The following TMEM254 variants were observed in gnomAD, a reference collection of about 807,000 sequenced individuals.
The protein encoded by TMEM254 is transmembrane protein C10orf57.
In TMEM254, 16 loss-of-function variants were observed where a neutral mutation model predicts 13.9. The observed-to-expected ratio is 1.15, with a 90% CI of 0.78 to 1.75. The LOEUF is 1.75. Among genes scored for constraint, TMEM254 ranks in the 40% most tolerant of loss-of-function variants. The pLI is 0.00. For synonymous variants in TMEM254, 61 were observed against 56.4 expected (o/e 1.08, Z -0.36); for missense variants, 155 against 149.0 (o/e 1.04, Z -0.21).
At position 80,089,786 on chromosome 10, in the gene TMEM254, G is replaced by A. The variant is rs188322868; in HGVS notation, c.252-1011G>A. Among the ~76,000 whole-genome samples the A allele has an allele frequency of 2.2e-3, 335 of 152,060 alleles. 2 individuals are homozygous for A. The highest frequency in any genetic ancestry group is 7.5e-3 in the African/African-American group (312 of 41,476). On this transcript the variant is annotated intron_variant, in intron 3 of 3. Transcript: ENST00000372281. ...TGGGAGGCCGAGGTGGGTGGATCACGAGGTCAAGAGATCGAGACCATCCTG... is the reference window on the plus strand; with the variant it reads ...TGGGAGGCCGAGGTGGGTGGATCACAAGGTCAAGAGATCGAGACCATCCTG...
chr10:80,090,112 T>G (rs1310808267), intron 3 of TMEM254, among the ~76,000 whole-genome samples: 1 of 152,224 alleles, frequency 6.6e-6, no homozygotes, highest in Admixed American at 6.5e-5. Context: ...ATATTGCTTT[T>G]ACATATATTG....
Position 80,090,952 on chromosome 10 carries a change from C to T in TMEM254, c.*35C>T. The T allele has an allele frequency of 1.2e-6, 2 of 1,607,052 alleles. No homozygotes were observed. The highest frequency in any genetic ancestry group is 1.1e-5 in the South Asian group (1 of 89,526). ...AAAGCTTGCTCTACACTTTTACATTCATCCTCACCCTTTTTTTTGTGGGGT... is the reference window on the plus strand; with the variant it reads ...AAAGCTTGCTCTACACTTTTACATTTATCCTCACCCTTTTTTTTGTGGGGT... On this transcript the variant is annotated 3_prime_UTR_variant, in exon 4 of 4. Transcript: ENST00000372281.
At chr10:80,080,543 G>A (rs1413742068) in intron 1 of TMEM254, among the ~76,000 whole-genome samples, 1 of 152,148 alleles carries the variant, frequency 6.6e-6, no homozygotes, top group Admixed American at 6.6e-5. Flanking sequence ...ATTAAACAGA[G>A]GTTTGGCTGG....
intron 1 of TMEM254, among the ~76,000 whole-genome samples, chr10:80,081,482 C>T (rs559952514): frequency 2.0e-5 from 3 of 152,076 alleles, no homozygotes; most frequent in African/African-American, 7.2e-5. Flanking sequence ...TCCTGGGCAA[C>T]ATAGTGAGAC....
At chr10:80,079,198 T>TGGGGGGG in intron 1 of TMEM254, 1 of 322,148 alleles carries the variant, frequency 3.1e-6, no homozygotes, top group South Asian at 2.7e-5. Context: ...AGGCGTGGGG[T>TGGGGGGG]GGGGCGGGGC....
rs1183442112 is a variant in TMEM254, at chr10:80,081,844, G to C, written c.91G>C (p.Val31Leu). Reference sequence around the variant, plus strand: ...TGTGTCTCTGCTTCTCTTTCAGTGGGTTGTCTTCTGGCCTCAGAGTATCCC... The same window carrying C: ...TGTGTCTCTGCTTCTCTTTCAGTGGCTTGTCTTCTGGCCTCAGAGTATCCC... ...ITLSFGYYTW[V>L]VFWPQSIPYQ... is the part of the protein sequence containing the mutation. Residue 31 changes from valine to leucine, a missense_variant, in exon 2 of 4, where the codon GTT (valine) becomes CTT (leucine). Coordinates refer to ENST00000372281, the MANE Select transcript of TMEM254 (RefSeq NM_025125.4). 5 of 1,614,188 alleles carry C rather than the reference G, an allele frequency of 3.1e-6. No homozygotes were observed. Among genetic ancestry groups the C allele is most frequent in the Admixed American group, 1.7e-5 (1 of 60,016 alleles).
At chr10:80,079,350 C>T in intron 1 of TMEM254, 1 of 1,182,154 alleles carries the variant, frequency 8.5e-7, no homozygotes. Flanking sequence ...TTTCTGCTTT[C>T]TAGTGTTCCT....
intron 3 of TMEM254, among the ~76,000 whole-genome samples, chr10:80,089,730 G>A (rs561844361): frequency 2.2e-4 from 34 of 152,084 alleles, no homozygotes; most frequent in African/African-American, 3.6e-4. Flanking sequence ...GCAGCCGGGC[G>A]TGGTGGCTCA....
intron 1 of TMEM254, chr10:80,079,187 GA>G: frequency 7.7e-7 from 1 of 1,290,824 alleles, no homozygotes; most frequent in South Asian, 1.2e-5. Flanking sequence ...ACTTCGCGGT[GA>G]GGCGTGGGGT....
chr10:80,081,852 C>T lies in TMEM254; in HGVS notation c.99C>T (p.Phe33=). The T allele has an allele frequency of 6.2e-7, 1 of 1,614,230 alleles. No homozygotes were observed. Among genetic ancestry groups the T allele is most frequent in the Non-Finnish European group, 8.5e-7 (1 of 1,180,044 alleles). Residue 33 remains phenylalanine (F), a synonymous_variant, in exon 2 of 4, where the codon TTC becomes TTT. Coordinates refer to ENST00000372281, the MANE Select transcript of TMEM254 (RefSeq NM_025125.4). ...LSFGYYTWVV[F]WPQSIPYQNL... ...TGCTTCTCTTTCAGTGGGTTGTCTT[C>T]TGGCCTCAGAGTATCCCTTATCAGA...
intron 1 of TMEM254, chr10:80,079,557 A>G: frequency 9.9e-7 from 1 of 1,007,586 alleles, no homozygotes; most frequent in Non-Finnish European, 1.2e-6. Flanking sequence ...TTTAAGTGGT[A>G]AGGGAGGATA....
At chr10:80,081,490 G>T in intron 1 of TMEM254, 1 of 601,258 alleles carries the variant, frequency 1.7e-6, no homozygotes, top group Non-Finnish European at 2.9e-6. Context: ...AACATAGTGA[G>T]ACCCCATCTC....
At chr10:80,086,912 A>G (rs11201625) in intron 3 of TMEM254, among the ~76,000 whole-genome samples, 57,032 of 151,184 alleles carry the variant, frequency 0.38, 11,559 homozygotes, top group East Asian at 0.71. Context: ...ATATATATAC[A>G]TATAGATATA....
intron 1 of TMEM254, chr10:80,079,012 C>G: frequency 1.3e-6 from 2 of 1,532,580 alleles, no homozygotes; most frequent in Non-Finnish European, 8.8e-7. Flanking sequence ...ACCGGCTAGC[C>G]AGGCTTTTCT....
intron 1 of TMEM254, chr10:80,079,358 C>A (rs1021252648): frequency 1.1e-5 from 13 of 1,178,394 alleles, no homozygotes; most frequent in Non-Finnish European, 1.3e-5. Flanking sequence ...TTCTAGTGTT[C>A]CTGTCTTTGG....
At position 80,088,139 on chromosome 10, in the gene TMEM254, A is replaced by G. The variant is rs537453668; in HGVS notation, c.252-2658A>G. On this transcript the variant is annotated intron_variant, in intron 3 of 3. Transcript: ENST00000372281. ...CATTCAGTCTTCACTGATGTGCCCT[A>G]TCTTATATCATACATACTGATATGT... 5.9e-5 allele frequency among the ~76,000 whole-genome samples: 9 copies of G among 152,162 alleles called. No homozygotes were observed. In the South Asian group the frequency reaches 8.3e-4, roughly 14 times the overall value.
rs1844584277 is a variant in TMEM254 at position 80,091,831 on chromosome 10, C to T, written c.*914C>T. ...AAAATGGCACAACCCATTTGGGGTA[C>T]CCTCACCCCAAAATAAAAGCCCAAG... On this transcript the variant is annotated 3_prime_UTR_variant, in exon 4 of 4. Coordinates refer to ENST00000372281, the MANE Select transcript of TMEM254 (RefSeq NM_025125.4). 1 of 152,210 alleles carries T rather than the reference C, an allele frequency of 6.6e-6. No individual in the cohort carries two copies. The highest frequency in any genetic ancestry group is 1.5e-5 in the Non-Finnish European group (1 of 68,036). The allele number at this position is 152,210 out of a possible 1,614,324, so 9.4% of individuals were successfully genotyped here. A position where few individuals can be genotyped will look rare whatever the true frequency, so the allele number is the denominator to read the frequency against.
At chr10:80,079,313 C>G in intron 1 of TMEM254, 1 of 1,199,490 alleles carries the variant, frequency 8.3e-7, no homozygotes, top group Non-Finnish European at 1.1e-6. Flanking sequence ...CTCATGTAAG[C>G]GGAAATTCGG....
intron 3 of TMEM254, chr10:80,086,240 G>T: frequency 6.8e-7 from 1 of 1,473,404 alleles, no homozygotes; most frequent in Non-Finnish European, 9.0e-7. Flanking sequence ...GGCAAAATGA[G>T]CTAAGAATAC....
Sources: gnomAD v4.1 joint callset for allele counts (sites outside exome capture counted in the v4.1 genomes callset) on GRCh38, gnomAD v4.1.1 for gene constraint, MANE v1.5 for transcripts, NCBI Gene and HGNC (gene_info 2026-07-23, HGNC 2026-07-21) for gene names.